The following EARS2 variants were observed in gnomAD, a reference collection of about 807,000 sequenced individuals.
The protein encoded by EARS2 is glutamyl-tRNA synthetase 2, mitochondrial, also known as nondiscriminating glutamyl-tRNA synthetase EARS2, mitochondrial.
EARS2 carries 50 observed loss-of-function variants against 54.1 expected under a neutral mutation model. The observed-to-expected ratio is 0.92, with a 90% CI of 0.74 to 1.17. The LOEUF (loss-of-function observed/expected upper bound fraction) is 1.17. EARS2 is among the 50% of genes most tolerant of loss of function. The pLI is 0.00. For missense variants in EARS2, 673 were observed against 675.0 expected (o/e 1.00, Z 0.03); for synonymous variants, 298 against 281.0 (o/e 1.06, Z -0.61).
chr16:23,531,066 T>G (rs553940058), intron 5 of EARS2, among the ~76,000 whole-genome samples: 1 of 148,812 alleles, frequency 6.7e-6, no homozygotes, highest in African/African-American at 2.5e-5. Flanking sequence ...TTTTTTTTTT[T>G]TTTTCTATTT....
Position 23,532,725 on chromosome 16 carries a change from C to G in EARS2, c.999G>C (p.Gln333His), listed in dbSNP as rs750589300. 6.2e-6 allele frequency: 10 copies of G among 1,614,004 alleles called. No individual in the cohort carries two copies. The highest frequency in any genetic ancestry group is 7.6e-6 in the Non-Finnish European group (9 of 1,180,014). ...MGRTLPELIT[Q>H]FNLTQVTCHS... is the part of the protein sequence containing the mutation. ...GACAGGTGACCTGTGTCAGGTTGAA[C>G]TGTGTGATCAGCTCCGGCAGGGTCC... Residue 333 changes from glutamine (Q) to histidine (H), a missense_variant, in exon 5 of 9, where the codon CAG (glutamine) becomes CAC (histidine). Physicochemically the swap from Gln to His is conservative, Grantham distance 24. Transcript: ENST00000449606.
chr16:23,542,049 G>A (rs943823861), intron 3 of EARS2, among the ~76,000 whole-genome samples: 1 of 151,970 alleles, frequency 6.6e-6, no homozygotes, highest in African/African-American at 2.4e-5. Flanking sequence ...GTAGAGATGG[G>A]GTTTCACCAT....
intron 4 of EARS2, among the ~76,000 whole-genome samples, chr16:23,534,373 T>TA (rs1164611722): frequency 6.6e-6 from 1 of 152,256 alleles, no homozygotes; most frequent in Non-Finnish European, 1.5e-5. Context: ...GGTTTGGGTC[T>TA]AAGTCTTGGA....
Position 23,540,793 on chromosome 16 carries a change from G to A in EARS2, c.485+3721C>T, listed in dbSNP as rs996560267. On this transcript the variant is annotated intron_variant, in intron 3 of 8. Transcript: ENST00000449606. ...AGCTCAAGAGTTCAAGACCAGCCTGGGTAACACGGTGAAACCCCGTCTCTA... is the reference window on the plus strand; with the variant it reads ...AGCTCAAGAGTTCAAGACCAGCCTGAGTAACACGGTGAAACCCCGTCTCTA... Among the ~76,000 whole-genome samples, 4 of 152,154 alleles carry A rather than the reference G, an allele frequency of 2.6e-5. 1 individual carries two copies. In the East Asian group the frequency reaches 7.7e-4, roughly 29 times the overall value.
At chr16:23,531,741 C>G (rs1279257348) in intron 5 of EARS2, among the ~76,000 whole-genome samples, 6 of 152,232 alleles carry the variant, frequency 3.9e-5, no homozygotes, top group Non-Finnish European at 8.8e-5. Flanking sequence ...TACTGTGTCC[C>G]CAAACCAGTG....
intron 1 of EARS2, chr16:23,556,840 T>C (rs1965797263): frequency 2.0e-6 from 1 of 507,216 alleles, no homozygotes; most frequent in Non-Finnish European, 3.8e-6. Context: ...TTTTTATAAG[T>C]GTCTGCGGCA....
chr16:23,526,943 C>G (rs1597007022), intron 7 of EARS2, among the ~76,000 whole-genome samples: 2 of 149,320 alleles, frequency 1.3e-5, no homozygotes, highest in African/African-American at 4.9e-5. Context: ...CTTTCCAGTT[C>G]CTCTCAGTTT....
At position 23,525,243 on chromosome 16, in the gene EARS2, C is replaced by T; in HGVS notation, c.1488+1G>A. ...CAATCCAACCCGTGTCCCTGCCTCA[C>T]CTGCTGTCCACTGAGGGCCATCCGA... On this transcript the variant is annotated splice_donor_variant, in intron 8 of 8. Coordinates refer to ENST00000449606, the MANE Select transcript of EARS2 (RefSeq NM_001083614.2). LOFTEE classifies it high-confidence loss of function. 1 of 1,614,178 alleles carries T rather than the reference C, an allele frequency of 6.2e-7. No homozygotes were observed. Among genetic ancestry groups the T allele is most frequent in the Non-Finnish European group, 8.5e-7 (1 of 1,180,030 alleles).
intron 2 of EARS2, among the ~76,000 whole-genome samples, chr16:23,548,145 A>G (rs965376452): frequency 4.6e-5 from 7 of 151,746 alleles, no homozygotes; most frequent in African/African-American, 1.7e-4. Context: ...GAGGCGGGAG[A>G]ATGGCATGAA....
intron 2 of EARS2, chr16:23,550,772 T>C (rs779378385): frequency 5.3e-5 from 8 of 152,188 alleles, no homozygotes; most frequent in Admixed American, 2.0e-4. Context: ...CAGAGTTTAG[T>C]GAGTAATTTA....
chr16:23,534,924 A>G lies in EARS2; in HGVS notation c.922T>C (p.Leu308=). The change falls in exon 4 of 9, where the codon TTG becomes CTG. Residue 308 remains leucine, a synonymous_variant. Coordinates refer to ENST00000449606, the MANE Select transcript of EARS2 (RefSeq NM_001083614.2). Reference sequence around the variant, plus strand: ...GAGCCACAGTTGGTGATGATGTCCAACAAGGAATCGGGCAGGAAGCCATCA... The same window carrying G: ...GAGCCACAGTTGGTGATGATGTCCAGCAAGGAATCGGGCAGGAAGCCATCA... ...AADGFLPDSL[L]DIITNCGSGF... 6.3e-7 allele frequency: 1 copy of G among 1,595,948 alleles called. No individual in the cohort carries two copies. The highest frequency in any genetic ancestry group is 8.6e-7 in the Non-Finnish European group (1 of 1,168,894).
At chr16:23,550,587 G>A (rs1038911033) in intron 2 of EARS2, among the ~76,000 whole-genome samples, 24 of 151,854 alleles carry the variant, frequency 1.6e-4, no homozygotes, top group Non-Finnish European at 2.8e-4. Flanking sequence ...ACAGGCACCC[G>A]CCACCACGCC....
chr16:23,548,109 T>C (rs1010398754), intron 2 of EARS2, among the ~76,000 whole-genome samples: 1 of 151,514 alleles, frequency 6.6e-6, no homozygotes, highest in East Asian at 1.9e-4. Context: ...TGGCAGACAC[T>C]TGTAGTTCCA....
At position 23,547,575 on chromosome 16, in the gene EARS2, G is replaced by A. The variant is rs547583318; in HGVS notation, c.296-2872C>T. ...GGCTGGAGTGCAGTGGCACGATCTC[G>A]GCTCACTGCAACCTCCACCTCCCGG... On this transcript the variant is annotated intron_variant, in intron 2 of 8. Transcript: ENST00000449606. 1.7e-3 allele frequency among the ~76,000 whole-genome samples: 252 copies of A among 152,100 alleles called. 1 individual carries two copies. Among genetic ancestry groups the A allele is most frequent in the South Asian group, 8.7e-3 (42 of 4,814 alleles).
chr16:23,539,817 C>A (rs1402031176), intron 3 of EARS2, among the ~76,000 whole-genome samples: 1 of 151,422 alleles, frequency 6.6e-6, no homozygotes, highest in African/African-American at 2.4e-5. Context: ...CCAGCCTGGG[C>A]AAAATAGGGG....
intron 3 of EARS2, among the ~76,000 whole-genome samples, chr16:23,543,449 A>G (rs111298364): frequency 6.6e-6 from 1 of 151,022 alleles, no homozygotes; most frequent in Non-Finnish European, 1.5e-5. Flanking sequence ...CAAAAAAAAA[A>G]CCAAAAAACC....
intron 4 of EARS2, among the ~76,000 whole-genome samples, chr16:23,533,139 C>A (rs1472920206): frequency 6.6e-6 from 1 of 152,098 alleles, no homozygotes; most frequent in African/African-American, 2.4e-5. Flanking sequence ...CAAAAATTAG[C>A]CAGGTGTGGT....
At chr16:23,550,764 G>T (rs755332903) in intron 2 of EARS2, 4 of 152,104 alleles carry the variant, frequency 2.6e-5, no homozygotes, top group Non-Finnish European at 2.9e-5. Context: ...TAGGAATCCA[G>T]AGTTTAGTGA....
At chr16:23,548,362 C>G (rs774425818) in intron 2 of EARS2, among the ~76,000 whole-genome samples, 4 of 152,346 alleles carry the variant, frequency 2.6e-5, no homozygotes, top group Non-Finnish European at 5.9e-5. Flanking sequence ...TACCTGCCCT[C>G]TGCCTCGCCA....
Sources: allele counts gnomAD v4.1 joint callset (sites outside exome capture counted in the v4.1 genomes callset), GRCh38; gene constraint gnomAD v4.1.1; transcripts MANE v1.5; gene names NCBI Gene and HGNC (gene_info 2026-07-23, HGNC 2026-07-21).